The following ATP13A2 variants were observed in gnomAD, a reference collection of about 807,000 sequenced individuals.
ATP13A2 encodes ATPase cation transporting 13A2.
In ATP13A2, 83 loss-of-function variants were observed where a neutral mutation model predicts 138.3. The ratio of observed to expected loss-of-function variants is 0.60; its 90% CI spans 0.50 to 0.72. The LOEUF is 0.72. ATP13A2 is among the 30% of genes least tolerant of loss of function. ATP13A2 has a pLI of 0.00. For missense variants in ATP13A2, 1,402 were observed against 1,606.4 expected (o/e 0.87, Z 2.17); for synonymous variants, 663 against 699.0 (o/e 0.95, Z 0.81).
chr1:16,998,207 T>G (rs916040823), intron 11 of ATP13A2, among the ~76,000 whole-genome samples: 3 of 151,626 alleles, frequency 2.0e-5, no homozygotes. Context: ...CAATTACTAC[T>G]TTTTTTTTGT....
intron 1 of ATP13A2, among the ~76,000 whole-genome samples, chr1:17,010,089 C>T (rs147196849): frequency 1.3e-5 from 2 of 148,758 alleles, no homozygotes; most frequent in Admixed American, 6.8e-5. Context: ...GTCTTCCCCC[C>T]CCGTTCCCCC....
chr1:16,993,888 T>C, intron 15 of ATP13A2, 53 bp from the exon 16 acceptor site: 1 of 1,443,492 alleles, frequency 6.9e-7, no homozygotes, highest in South Asian at 1.4e-5. Context: ...GGGGGTACCC[T>C]GCTGAGCTGG....
intron 12 of ATP13A2, 198 bp downstream of exon 12, chr1:16,996,822 C>T: frequency 4.0e-6 from 3 of 745,684 alleles, no homozygotes; most frequent in Non-Finnish European, 6.7e-6. Context: ...CAATGCTTGG[C>T]CTTAGTCTGG....
At chr1:17,006,116 CAG>C (rs1468333408) in intron 1 of ATP13A2, among the ~76,000 whole-genome samples, 1 of 152,094 alleles carries the variant, frequency 6.6e-6, no homozygotes, top group Non-Finnish European at 1.5e-5. Flanking sequence ...GCCTGAGCAA[CAG>C]AGTGAGACTC....
chr1:16,996,590 C>T (rs373091741), intron 12 of ATP13A2, 94 bp from the exon 13 acceptor site: 28 of 976,788 alleles, frequency 2.9e-5, no homozygotes, highest in East Asian at 2.3e-4. Flanking sequence ...TCTGGAGTTG[C>T]AAGACATGAT....
intron 11 of ATP13A2, 134 bp from the exon 12 acceptor site, chr1:16,997,309 AG>A: frequency 9.2e-7 from 1 of 1,090,444 alleles, no homozygotes; most frequent in Non-Finnish European, 1.4e-6. Context: ...AAGAAATCAC[AG>A]CCCCATTTTA....
rs1570929803 is a variant in ATP13A2 at position 17,011,664 on chromosome 1, G to T, written c.10+65C>A. The T allele has an allele frequency of 1.4e-6, 2 of 1,467,938 alleles. No homozygotes were observed. The highest frequency in any genetic ancestry group is 2.9e-5 in the African/African-American group (2 of 68,064). 90.9% of individuals were successfully genotyped at this position (1,467,938 alleles called of 1,614,324 possible). On this transcript the variant is annotated intron_variant, in intron 1 of 28. Coordinates refer to ENST00000326735, the MANE Select transcript of ATP13A2 (RefSeq NM_022089.4). The surrounding 1 kb of genome is among the most constrained non-coding windows in gnomAD (Gnocchi z 7.3). Reference sequence around the variant, plus strand: ...CGTCGCCTCCCCTCTCCCTCCAAGGGGTGACGACAACTGGCGGGCCGGGGA... The same window carrying T: ...CGTCGCCTCCCCTCTCCCTCCAAGGTGTGACGACAACTGGCGGGCCGGGGA...
In ATP13A2 at chr1:17,011,348, G is replaced by A. The variant is rs1367576466; in HGVS notation, c.10+381C>T. Reference sequence around the variant, plus strand: ...TGCCCAGAGGCCCGAGGATGCAGCCGTCTCCCCCACCTGGACATCCGTCAC... The same window carrying A: ...TGCCCAGAGGCCCGAGGATGCAGCCATCTCCCCCACCTGGACATCCGTCAC... On this transcript the variant is annotated intron_variant, in intron 1 of 28. Transcript: ENST00000326735. The surrounding 1 kb of genome is among the most constrained non-coding windows in gnomAD (Gnocchi z 7.3). Among the ~76,000 whole-genome samples the A allele has an allele frequency of 6.6e-6, 1 of 152,160 alleles. No homozygotes were observed. The highest frequency in any genetic ancestry group is 1.5e-5 in the Non-Finnish European group (1 of 68,020).
Position 16,989,743 on chromosome 1 carries a change from G to T in ATP13A2, c.2557C>A (p.Arg853Ser). 2 of 1,614,062 alleles carry T rather than the reference G, an allele frequency of 1.2e-6. No homozygotes were observed. The highest frequency in any genetic ancestry group is 8.5e-7 in the Non-Finnish European group (1 of 1,180,038). Residue 853 changes from arginine to serine, a missense_variant, in exon 23 of 29, where the codon CGC becomes AGC. By Grantham distance (110) the Arg-to-Ser change is moderately radical. Coordinates refer to ENST00000326735, the MANE Select transcript of ATP13A2 (RefSeq NM_022089.4). The part of the protein sequence containing the change: ...KVLVQGTVFA[R>S]MAPEQKTELV... ...TCTGTCTTCTGCTCAGGGGCCATGC[G>T]GGCAAAGACAGTGCCCTGGACCAGG...
intron 15 of ATP13A2, among the ~76,000 whole-genome samples, chr1:16,994,328 G>A (rs1173199625): frequency 1.3e-5 from 2 of 152,036 alleles, no homozygotes; most frequent in African/African-American, 4.8e-5. Flanking sequence ...CACCTCCCGG[G>A]TTCAAGTGAT....
chr1:16,996,246 A>C lies in ATP13A2; in HGVS notation c.1353+8T>G, dbSNP rs369680614. The C allele has an allele frequency of 6.2e-7, 1 of 1,614,058 alleles. No individual in the cohort carries two copies. ...GGCAGCACCCCCCACCCCACCCCCA[A>C]GGCTTACCCGGTTTCGGTAGAGGAT... On this transcript the variant is annotated splice_region_variant and intron_variant, in intron 14 of 28. Transcript: ENST00000326735.
chr1:16,998,410 T>G (rs1040719362), intron 11 of ATP13A2, among the ~76,000 whole-genome samples: 3 of 152,090 alleles, frequency 2.0e-5, no homozygotes, highest in African/African-American at 7.2e-5. Context: ...TTCAACATGA[T>G]TTCCAGGCTG....
Position 16,998,902 on chromosome 1 carries a change from C to T in ATP13A2, c.1039+1109G>A, listed in dbSNP as rs112615648. Among the ~76,000 whole-genome samples, 417 of 152,198 alleles carry T rather than the reference C, an allele frequency of 2.7e-3. 5 individuals carry two copies. Among genetic ancestry groups the T allele is most frequent in the African/African-American group, 9.0e-3 (375 of 41,518 alleles). ...AGGCAAATCAGCCCATGTGCACACA[C>T]GTAATGCAGAAAAAGGCGTGGAAGA... On this transcript the variant is annotated intron_variant, in intron 11 of 28. Coordinates refer to ENST00000326735, the MANE Select transcript of ATP13A2 (RefSeq NM_022089.4).
chr1:17,000,227 CT>C lies in ATP13A2; in HGVS notation c.907+18del. ...ACCCTCCCACTCCTGCCCCCGCCCC[CT>C]GGGCCCTAGCTCCTCACCTCCCCCT... is the stretch of plus-strand genomic sequence containing the variant. On this transcript the variant is annotated intron_variant, in intron 10 of 28. Transcript: ENST00000326735. The C allele has an allele frequency of 2.6e-6, 4 of 1,552,754 alleles. No individual in the cohort carries two copies. The highest frequency in any genetic ancestry group is 3.5e-6 in the Non-Finnish European group (4 of 1,148,728).
At chr1:16,987,402 T>G in intron 25 of ATP13A2, 133 bp from the exon 26 acceptor site, 1 of 881,662 alleles carries the variant, frequency 1.1e-6, no homozygotes, top group Non-Finnish European at 1.9e-6. Flanking sequence ...ATGGGGGCCG[T>G]ACTCTCCTGC....
Position 16,995,801 on chromosome 1 carries a change from C to T in ATP13A2, c.1542+175G>A. On this transcript the variant is annotated intron_variant, in intron 15 of 28. Coordinates refer to ENST00000326735, the MANE Select transcript of ATP13A2 (RefSeq NM_022089.4). This position sits in a 1 kb window ranked among gnomAD's most constrained non-coding sequence, Gnocchi z 4.1. ...GATTCTAGACATTTCATCTGCCAGA[C>T]CGTGAGCCCAGTGAGGGCAGGAGTG... 1.2e-6 allele frequency: 1 copy of T among 810,230 alleles called. No individual in the cohort carries two copies. The highest frequency in any genetic ancestry group is 2.1e-6 in the Non-Finnish European group (1 of 485,588). The allele number at this position is 810,230 out of a possible 1,614,324, so 50.2% of individuals were successfully genotyped here. A position where few individuals can be genotyped will look rare whatever the true frequency, so the allele number is the denominator to read the frequency against.
rs1209956774 is a variant in ATP13A2 at position 16,993,762 on chromosome 1, A to C, written c.1616T>G (p.Leu539Arg). ...AGGCAGGCGGCGAGGCTCTGGGACC[A>C]GGGGCAGGAATGCCTGCCCCTTCAG... ...VPLKGQAFLP[L>R]VPEPRRLPVG... is the part of the protein sequence containing the mutation. The change falls in exon 16 of 29, where the codon CTG (leucine) becomes CGG (arginine). Residue 539 changes from leucine (L) to arginine (R), a missense_variant. Coordinates refer to ENST00000326735, the MANE Select transcript of ATP13A2 (RefSeq NM_022089.4). The C allele has an allele frequency of 6.3e-7, 1 of 1,590,092 alleles. No individual in the cohort carries two copies. Among genetic ancestry groups the C allele is most frequent in the Non-Finnish European group, 8.6e-7 (1 of 1,169,200 alleles).
At position 16,996,255 on chromosome 1, in the gene ATP13A2, C is replaced by T. The variant is rs138546275; in HGVS notation, c.1352G>A (p.Arg451Gln). 6.4e-5 allele frequency: 103 copies of T among 1,614,176 alleles called. No individual in the cohort carries two copies. The African/African-American group carries it at 8.0e-4, about 13-fold the overall frequency. Reference sequence around the variant, plus strand: ...CCCCACCCCACCCCCAAGGCTTACCCGGTTTCGGTAGAGGATGAAGATGCT... The same window carrying T: ...CCCCACCCCACCCCCAAGGCTTACCTGGTTTCGGTAGAGGATGAAGATGCT... ...IYSIFILYRNRVPLNEIVIRA... is the reference protein window; with the variant it reads ...IYSIFILYRNQVPLNEIVIRA... Residue 451 changes from arginine to glutamine, a missense_variant and splice_region_variant, in exon 14 of 29, where the codon CGG becomes CAG. Transcript: ENST00000326735.
chr1:16,997,405 T>C (rs1320694170), intron 11 of ATP13A2, among the ~76,000 whole-genome samples: 3 of 72,944 alleles, frequency 4.1e-5, no homozygotes, highest in Admixed American at 3.5e-4. Flanking sequence ...GCCAGCTCCC[T>C]GGAACCAGCG....
Sources: allele counts gnomAD v4.1 joint callset (sites outside exome capture counted in the v4.1 genomes callset), GRCh38; gene constraint gnomAD v4.1.1; non-coding constraint Gnocchi (gnomAD v3.1); transcripts MANE v1.5; gene names NCBI Gene and HGNC (gene_info 2026-07-23, HGNC 2026-07-21).